SORCS2: variants seen among roughly 807,000 people sequenced by gnomAD.
SORCS2 encodes VPS10 domain-containing receptor SorCS2.
In SORCS2, 100 loss-of-function variants were observed where a neutral mutation model predicts 141.6. The ratio of observed to expected loss-of-function variants is 0.71; its 90% CI spans 0.60 to 0.83. The LOEUF is 0.83. Ranked by LOEUF, SORCS2 falls within the 40% of genes least tolerant of loss-of-function variation. The pLI, the probability that SORCS2 is intolerant of heterozygous loss-of-function variation, is 0.00. For synonymous variants in SORCS2, 789 were observed against 676.9 expected (o/e 1.17, Z -2.57); for missense variants, 1,646 against 1,560.2 (o/e 1.05, Z -0.93).
rs1398194022 is a variant in SORCS2, at chr4:7,538,802, T to A, written c.648+7173T>A. Among the ~76,000 whole-genome samples the A allele has an allele frequency of 2.6e-5, 4 of 152,326 alleles. No individual in the cohort carries two copies. In the East Asian group the frequency reaches 7.7e-4, roughly 29 times the overall value. ...CTCGCCCGTGTCTTCGTAGGGGAACTGCCACGTGTTAGTAAGCACTCAGGA... is the reference window on the plus strand; with the variant it reads ...CTCGCCCGTGTCTTCGTAGGGGAACAGCCACGTGTTAGTAAGCACTCAGGA... On this transcript the variant is annotated intron_variant, in intron 3 of 26. Coordinates refer to ENST00000507866, the MANE Select transcript of SORCS2 (RefSeq NM_020777.3).
At chr4:7,328,572 T>C (rs945221569) in intron 1 of SORCS2, among the ~76,000 whole-genome samples, 3 of 152,130 alleles carry the variant, frequency 2.0e-5, no homozygotes, top group Admixed American at 1.3e-4. Context: ...GTTCGTTCAT[T>C]CATCCATCCA....
intron 3 of SORCS2, among the ~76,000 whole-genome samples, chr4:7,623,274 C>T (rs1719321110): frequency 6.6e-6 from 1 of 152,162 alleles, no homozygotes; most frequent in African/African-American, 2.4e-5. Context: ...TTGGTGATTA[C>T]TGGTGCCTGG....
chr4:7,729,478 G>A, intron 22 of SORCS2, 109 bp from the exon 23 acceptor site: 1 of 1,391,834 alleles, frequency 7.2e-7, no homozygotes, highest in African/African-American at 1.4e-5. Context: ...AACGGCCTGT[G>A]AGACAGGTGT....
intron 2 of SORCS2, among the ~76,000 whole-genome samples, chr4:7,502,180 G>A (rs1348068416): frequency 2.0e-5 from 3 of 152,154 alleles, no homozygotes; most frequent in Non-Finnish European, 4.4e-5. Flanking sequence ...GCCTCTAGAC[G>A]GCCTCTGGTG....
chr4:7,572,810 C>T (rs1449162979), intron 3 of SORCS2, among the ~76,000 whole-genome samples: 1 of 152,230 alleles, frequency 6.6e-6, no homozygotes, highest in African/African-American at 2.4e-5. Flanking sequence ...AACACATTGG[C>T]TAACACATCT....
intron 2 of SORCS2, chr4:7,433,797 C>G (rs192357452): frequency 6.2e-7 from 1 of 1,613,690 alleles, no homozygotes; most frequent in Admixed American, 1.7e-5. Context: ...GACGGATGAA[C>G]TTGCACACCT....
intron 3 of SORCS2, among the ~76,000 whole-genome samples, chr4:7,615,172 T>C (rs1225670215): frequency 6.6e-6 from 1 of 152,242 alleles, no homozygotes; most frequent in Non-Finnish European, 1.5e-5. Flanking sequence ...CATTCATTCA[T>C]CCATCTGCCT....
chr4:7,543,723 TCCAC>T (rs1712940004), intron 3 of SORCS2, among the ~76,000 whole-genome samples: 1 of 73,652 alleles, frequency 1.4e-5, no homozygotes, highest in African/African-American at 5.3e-5. Flanking sequence ...CATCCACCCA[TCCAC>T]CCATCCACCC....
intron 1 of SORCS2, among the ~76,000 whole-genome samples, chr4:7,253,988 A>C (rs1713676874): frequency 6.6e-6 from 1 of 152,230 alleles, no homozygotes; most frequent in Non-Finnish European, 1.5e-5. Flanking sequence ...ATCTCACCCC[A>C]GTCAGAATGG....
rs927863799 is a variant in SORCS2, at chr4:7,490,921, G to A, written c.549-40609G>A. ...CAGACCACCGTCTCCTCCTAGGGAC[G>A]TACCTGGCACGTGGCAAAGGCTCCA... On this transcript the variant is annotated intron_variant, in intron 2 of 26. Transcript: ENST00000507866. 3.9e-5 allele frequency among the ~76,000 whole-genome samples: 6 copies of A among 152,126 alleles called. No homozygotes were observed. The South Asian group carries it at 8.3e-4, about 21-fold the overall frequency.
intron 2 of SORCS2, among the ~76,000 whole-genome samples, chr4:7,486,257 A>G (rs2109387414): frequency 2.8e-5 from 1 of 36,014 alleles, no homozygotes; most frequent in South Asian, 6.9e-4. Flanking sequence ...GTCCCAGGTC[A>G]CAGCCCAACC....
chr4:7,192,888 G>A lies in SORCS2; in HGVS notation c.242G>A (p.Gly81Asp). Residue 81 changes from glycine (G) to aspartate (D), a missense_variant, in exon 1 of 27, where the codon GGC (glycine) becomes GAC (aspartate). Transcript: ENST00000507866. This position sits in a 1 kb window ranked among gnomAD's most constrained non-coding sequence, Gnocchi z 4.0. ...PPAGRAEPGG[G>D]EDRQARGTEP... Reference sequence around the variant, plus strand: ...GCGGGGCGCGCGGAGCCCGGTGGCGGCGAGGACCGGCAGGCGCGCGGCACG... The same window carrying A: ...GCGGGGCGCGCGGAGCCCGGTGGCGACGAGGACCGGCAGGCGCGCGGCACG... 3 of 1,125,418 alleles carry A rather than the reference G, an allele frequency of 2.7e-6. No individual in the cohort carries two copies. Among genetic ancestry groups the A allele is most frequent in the South Asian group, 4.2e-5 (1 of 23,754 alleles). 69.7% of individuals were successfully genotyped at this position (1,125,418 alleles called of 1,614,324 possible).
At chr4:7,488,471 G>A (rs974929562) in intron 2 of SORCS2, among the ~76,000 whole-genome samples, 6 of 152,198 alleles carry the variant, frequency 3.9e-5, no homozygotes, top group African/African-American at 1.4e-4. Context: ...TGTGGTGCAG[G>A]TGCCCCCTCT....
intron 2 of SORCS2, among the ~76,000 whole-genome samples, chr4:7,486,525 T>C (rs1256129948): frequency 6.6e-6 from 1 of 152,204 alleles, no homozygotes; most frequent in African/African-American, 2.4e-5. Flanking sequence ...AGCTATCTCC[T>C]TGTACCCCAG....
rs186486839 is a variant in SORCS2 at position 7,537,525 on chromosome 4, A to C, written c.648+5896A>C. Among the ~76,000 whole-genome samples, 33 of 152,300 alleles carry C rather than the reference A, an allele frequency of 2.2e-4. No individual in the cohort carries two copies. The East Asian group carries it at 4.6e-3, about 21-fold the overall frequency. On this transcript the variant is annotated intron_variant, in intron 3 of 26. Coordinates refer to ENST00000507866, the MANE Select transcript of SORCS2 (RefSeq NM_020777.3). ...GCTGTGTGCTTGGTGCTAGAGAGAGAGAGCCCTTTGCTTTGTCCAGTCTTA... is the reference window on the plus strand; with the variant it reads ...GCTGTGTGCTTGGTGCTAGAGAGAGCGAGCCCTTTGCTTTGTCCAGTCTTA...
intron 2 of SORCS2, among the ~76,000 whole-genome samples, chr4:7,485,361 C>T (rs1029854453): frequency 5.9e-5 from 9 of 152,338 alleles, no homozygotes; most frequent in South Asian, 2.1e-4. Flanking sequence ...GCCAAGGCCC[C>T]GGAGTTGCCT....
chr4:7,527,687 GCC>G (rs1197301653), intron 2 of SORCS2, among the ~76,000 whole-genome samples: 5 of 151,450 alleles, frequency 3.3e-5, no homozygotes, highest in African/African-American at 1.2e-4. Flanking sequence ...AATCTCACAG[GCC>G]CCCCCACCAG....
intron 1 of SORCS2, among the ~76,000 whole-genome samples, chr4:7,224,948 G>A (rs928643479): frequency 6.6e-6 from 1 of 152,208 alleles, no homozygotes; most frequent in Non-Finnish European, 1.5e-5. Flanking sequence ...TAAACAGACC[G>A]GTCTTCTCTC....
intron 3 of SORCS2, among the ~76,000 whole-genome samples, chr4:7,548,522 A>G (rs957903551): frequency 3.3e-5 from 5 of 152,202 alleles, no homozygotes; most frequent in Non-Finnish European, 1.5e-5. Context: ...TACAAGCGTT[A>G]TCATCCCCAC....
Sources: allele counts gnomAD v4.1 joint callset (sites outside exome capture counted in the v4.1 genomes callset), GRCh38; gene constraint gnomAD v4.1.1; non-coding constraint Gnocchi (gnomAD v3.1); transcripts MANE v1.5; gene names NCBI Gene and HGNC (gene_info 2026-07-23, HGNC 2026-07-21).